The following DNAAF9 variants were observed in gnomAD, a reference collection of about 807,000 sequenced individuals.
DNAAF9 encodes the protein dynein axonemal assembly factor 9.
A neutral mutation model predicts 167.0 loss-of-function variants in DNAAF9; 90 were observed. That is an observed-to-expected ratio of 0.54 (90% CI 0.45 to 0.64). DNAAF9 has a LOEUF of 0.64. DNAAF9 is among the 30% of genes least tolerant of loss of function. The pLI, the probability that DNAAF9 is intolerant of heterozygous loss-of-function variation, is 0.00. For synonymous variants in DNAAF9, 491 were observed against 508.8 expected (o/e 0.96, Z 0.47); for missense variants, 1,315 against 1,442.2 (o/e 0.91, Z 1.43).
At chr20:3,381,070 C>T (rs967452574) in intron 3 of DNAAF9, among the ~76,000 whole-genome samples, 17 of 152,162 alleles carry the variant, frequency 1.1e-4, no homozygotes, top group Non-Finnish European at 2.1e-4. Context: ...TAATCTGAAC[C>T]GTTAGCATGT....
chr20:3,258,622 T>C (rs929767951), intron 33 of DNAAF9, among the ~76,000 whole-genome samples: 1 of 152,064 alleles, frequency 6.6e-6, no homozygotes, highest in Non-Finnish European at 1.5e-5. Context: ...CCCAGACCTG[T>C]AGCACCACTT....
intron 2 of DNAAF9, 143 bp from the exon 3 acceptor site, chr20:3,381,641 C>T (rs1054023943): frequency 1.5e-6 from 1 of 666,910 alleles, no homozygotes; most frequent in Non-Finnish European, 2.4e-6. Flanking sequence ...ACCAAGCTAA[C>T]CAATTCTGTG....
At chr20:3,398,166 C>T (rs1166958351) in intron 1 of DNAAF9, among the ~76,000 whole-genome samples, 1 of 152,140 alleles carries the variant, frequency 6.6e-6, no homozygotes, top group Admixed American at 6.5e-5. Context: ...TGGTTTGGGG[C>T]TACAGTAACC....
At chr20:3,305,839 C>T (rs950933955) in intron 20 of DNAAF9, among the ~76,000 whole-genome samples, 1 of 152,122 alleles carries the variant, frequency 6.6e-6, no homozygotes, top group Non-Finnish European at 1.5e-5. Context: ...CCACAGCCAG[C>T]GACTATCTAG....
At chr20:3,324,868 TAA>T in intron 14 of DNAAF9, 22 bp downstream of exon 14, 1 of 1,278,304 alleles carries the variant, frequency 7.8e-7, no homozygotes, top group Non-Finnish European at 1.1e-6. Context: ...AAATTCCTTA[TAA>T]AAAATATCAG....
intron 6 of DNAAF9, among the ~76,000 whole-genome samples, chr20:3,371,791 C>T (rs183137987): frequency 2.1e-3 from 316 of 152,230 alleles, no homozygotes; most frequent in African/African-American, 6.8e-3. Context: ...TGAATGCTCA[C>T]TGGTTACTCA....
intron 12 of DNAAF9, among the ~76,000 whole-genome samples, chr20:3,328,183 G>GTTT (rs754972652): frequency 1.5e-5 from 2 of 131,950 alleles, no homozygotes; most frequent in Non-Finnish European, 1.6e-5. Context: ...GCATGGCTCT[G>GTTT]TTTTTTTTTT....
intron 34 of DNAAF9, 42 bp downstream of exon 34, chr20:3,255,964 T>C: frequency 1.3e-6 from 2 of 1,489,638 alleles, no homozygotes; most frequent in Non-Finnish European, 1.9e-6. Context: ...CTGAGGTGTC[T>C]GGTCACATCT....
At chr20:3,254,771 G>T (rs1568558497) in intron 35 of DNAAF9, among the ~76,000 whole-genome samples, 1 of 152,176 alleles carries the variant, frequency 6.6e-6, no homozygotes, top group East Asian at 1.9e-4. Flanking sequence ...GCAGAGGCTG[G>T]GGGTCAGAGC....
At position 3,407,647 on chromosome 20, in the gene DNAAF9, C is replaced by CGGGGCGGCAGGGCGTGCCGGGT. The variant is rs1449123740; in HGVS notation, c.-112_-91dup. The CGGGGCGGCAGGGCGTGCCGGGT allele has an allele frequency of 2.1e-5, 23 of 1,083,562 alleles. No homozygotes were observed. Among genetic ancestry groups the CGGGGCGGCAGGGCGTGCCGGGT allele is most frequent in the Non-Finnish European group, 2.5e-5 (22 of 893,800 alleles). The allele number at this position is 1,083,562 out of a possible 1,614,324, so 67.1% of individuals were successfully genotyped here. On this transcript the variant is annotated 5_prime_UTR_variant, in exon 1 of 37. Transcript: ENST00000252032. ...CGGCTCCACGCTAGCTGCGGCCGGG[C>CGGGGCGGCAGGGCGTGCCGGGT]GGGGCGGCAGGGCGTGCCGGGTGGG...
intron 8 of DNAAF9, among the ~76,000 whole-genome samples, chr20:3,344,547 ATT>A (rs955734451): frequency 1.3e-5 from 2 of 151,804 alleles, no homozygotes; most frequent in Non-Finnish European, 2.9e-5. Context: ...GGAAATTTAT[ATT>A]GTTATTAATT....
rs1568615205 is a variant in DNAAF9, at chr20:3,340,598, G to A, written c.887C>T (p.Thr296Ile). Residue 296 changes from threonine (T) to isoleucine (I), a missense_variant, in exon 10 of 37, where the codon ACA becomes ATA. Physicochemically the swap from Thr to Ile is moderately conservative, Grantham distance 89. Around this residue, in one of 2 missense-constraint regions of DNAAF9, gnomAD observed 981 missense variants for 1,012.5 expected, o/e 0.97. Coordinates refer to ENST00000252032, the MANE Select transcript of DNAAF9 (RefSeq NM_001009984.3). ...QPFVLFGNHS[T>I]RENLNAGNFN... ...GTTGCCAGCATTCAGGTTTTCTCGT[G>A]TGGAGTGATTACCAAAGAGAACAAA... 5.0e-6 allele frequency: 8 copies of A among 1,613,634 alleles called. No homozygotes were observed. Among genetic ancestry groups the A allele is most frequent in the East Asian group, 4.5e-5 (2 of 44,866 alleles).
At chr20:3,324,867 A>T in intron 14 of DNAAF9, 25 bp downstream of exon 14, 1 of 1,263,790 alleles carries the variant, frequency 7.9e-7, no homozygotes, top group Non-Finnish European at 1.1e-6. Context: ...AAAATTCCTT[A>T]TAAAAAATAT....
intron 7 of DNAAF9, among the ~76,000 whole-genome samples, chr20:3,350,140 GAC>G (rs1491384105): frequency 8.6e-6 from 1 of 115,704 alleles, no homozygotes; most frequent in South Asian, 3.1e-4. Flanking sequence ...CAGACACACA[GAC>G]ACACAGACAC....
At chr20:3,264,086 T>C (rs2068442129) in intron 31 of DNAAF9, among the ~76,000 whole-genome samples, 1 of 152,212 alleles carries the variant, frequency 6.6e-6, no homozygotes, top group East Asian at 1.9e-4. Context: ...ACTGACGGTA[T>C]TGTCAGAAGC....
chr20:3,406,333 G>A (rs2084054539), intron 1 of DNAAF9, among the ~76,000 whole-genome samples: 2 of 152,170 alleles, frequency 1.3e-5, no homozygotes, highest in Non-Finnish European at 2.9e-5. Flanking sequence ...TTAACATGTA[G>A]ATTGGCAACC....
chr20:3,334,431 C>CT (rs1472933211), intron 10 of DNAAF9, among the ~76,000 whole-genome samples: 2 of 152,276 alleles, frequency 1.3e-5, no homozygotes, highest in African/African-American at 4.8e-5. Flanking sequence ...CTTGACAGCT[C>CT]TTTTCTTTTT....
At chr20:3,262,563 C>T (rs1422337292) in intron 31 of DNAAF9, among the ~76,000 whole-genome samples, 4 of 152,074 alleles carry the variant, frequency 2.6e-5, no homozygotes, top group Non-Finnish European at 4.4e-5. Flanking sequence ...TCACAGTCTT[C>T]TAATGGGCCC....
chr20:3,320,138 C>T (rs1198650652), intron 16 of DNAAF9, among the ~76,000 whole-genome samples: 1 of 152,162 alleles, frequency 6.6e-6, no homozygotes, highest in Non-Finnish European at 1.5e-5. Flanking sequence ...AGAAAAAATA[C>T]AGCATGGTGC....
Sources: gnomAD v4.1 joint callset for allele counts (sites outside exome capture counted in the v4.1 genomes callset) on GRCh38, gnomAD v4.1.1 for gene constraint, gnomAD v4.1.1 regional missense constraint, MANE v1.5 for transcripts, NCBI Gene and HGNC (gene_info 2026-07-23, HGNC 2026-07-21) for gene names.